SLC30A5: variants seen among roughly 807,000 people sequenced by gnomAD.
SLC30A5 encodes the protein solute carrier family 30 member 5, also known as proton-coupled zinc antiporter SLC30A5.
SLC30A5 carries 33 observed loss-of-function variants against 79.6 expected under a neutral mutation model. The observed-to-expected ratio is 0.41, with a 90% CI of 0.31 to 0.55. The LOEUF (loss-of-function observed/expected upper bound fraction) is 0.55. SLC30A5 is among the 20% of genes least tolerant of loss of function. The pLI is 0.20. For synonymous variants in SLC30A5, 299 were observed against 319.7 expected (o/e 0.94, Z 0.69); for missense variants, 788 against 928.1 (o/e 0.85, Z 1.96).
In SLC30A5 at chr5:69,113,237, T is replaced by G. The variant is rs755880063; in HGVS notation, c.535+10T>G. On this transcript the variant is annotated intron_variant, in intron 6 of 15. Coordinates refer to ENST00000396591, the MANE Select transcript of SLC30A5 (RefSeq NM_022902.5). The stretch of plus-strand genomic sequence containing the variant: ...AAAATGGCTGAACACCGTATCCTTT[T>G]GGAATAGATCAGAGTTGTTTCAAGT... The G allele has an allele frequency of 6.2e-7, 1 of 1,607,320 alleles. No individual in the cohort carries two copies. The highest frequency in any genetic ancestry group is 1.1e-5 in the South Asian group (1 of 90,360).
intron 14 of SLC30A5, 29 bp from the exon 15 acceptor site, chr5:69,127,975 C>T: frequency 1.3e-6 from 2 of 1,586,688 alleles, no homozygotes; most frequent in Non-Finnish European, 8.6e-7. Flanking sequence ...GCCTGTATGA[C>T]CATTTATATC....
At chr5:69,095,196 C>CTTTTTTTTTTTT (rs371189827) in intron 1 of SLC30A5, among the ~76,000 whole-genome samples, 2 of 112,322 alleles carry the variant, frequency 1.8e-5, no homozygotes, top group Admixed American at 1.0e-4. Flanking sequence ...TATAACGTAA[C>CTTTTTTTTTTTT]TTTTTTTTTT....
At position 69,117,364 on chromosome 5, in the gene SLC30A5, T is replaced by G. The variant is rs1047321834; in HGVS notation, c.1407T>G (p.Ser469Arg). 6 of 1,614,036 alleles carry G rather than the reference T, an allele frequency of 3.7e-6. No homozygotes were observed. The highest frequency in any genetic ancestry group is 5.1e-6 in the Non-Finnish European group (6 of 1,179,984). ...LVMGLFAALM[S>R]RWKATRIFSY... ...TGGGACTTTTTGCTGCCCTGATGAG[T>G]AGGTGGAAAGCCACTCGGATTTTCT... The change falls in exon 11 of 16, where the codon AGT becomes AGG. Residue 469 changes from serine to arginine, a missense_variant. Physicochemically the swap from Ser to Arg is moderately radical, Grantham distance 110. Coordinates refer to ENST00000396591, the MANE Select transcript of SLC30A5 (RefSeq NM_022902.5).
At chr5:69,129,215 C>T (rs753277412) in intron 15 of SLC30A5, among the ~76,000 whole-genome samples, 17 of 152,218 alleles carry the variant, frequency 1.1e-4, no homozygotes, top group Non-Finnish European at 1.9e-4. Flanking sequence ...ACTCGCATTA[C>T]GCTTACCAGT....
intron 5 of SLC30A5, among the ~76,000 whole-genome samples, chr5:69,112,810 T>C (rs1683844): frequency 6.6e-6 from 1 of 152,202 alleles, no homozygotes; most frequent in Non-Finnish European, 1.5e-5. Context: ...AGTTATTCTT[T>C]AGCTACGTGG....
At chr5:69,125,349 AC>A (rs908749675) in intron 14 of SLC30A5, among the ~76,000 whole-genome samples, 1 of 151,084 alleles carries the variant, frequency 6.6e-6, no homozygotes, top group Non-Finnish European at 1.5e-5. Flanking sequence ...ACATGATGAA[AC>A]CCCATCTCTA....
At chr5:69,102,178 G>A (rs540297170) in intron 2 of SLC30A5, among the ~76,000 whole-genome samples, 1 of 149,456 alleles carries the variant, frequency 6.7e-6, no homozygotes, top group African/African-American at 2.5e-5. Flanking sequence ...AGCCTCCTGA[G>A]TAGCTAGGAT....
At chr5:69,127,535 T>C (rs1746735335) in intron 14 of SLC30A5, among the ~76,000 whole-genome samples, 1 of 151,374 alleles carries the variant, frequency 6.6e-6, no homozygotes, top group Admixed American at 6.6e-5. Context: ...AGTCAGCTAC[T>C]TGGGAGGCTG....
intron 5 of SLC30A5, among the ~76,000 whole-genome samples, chr5:69,111,831 T>C (rs998131156): frequency 6.6e-6 from 1 of 152,194 alleles, no homozygotes; most frequent in Non-Finnish European, 1.5e-5. Context: ...GTGGTAATCA[T>C]AGAATGAAGA....
At chr5:69,118,674 T>A (rs769666457) in intron 12 of SLC30A5, 46 bp downstream of exon 12, 2 of 1,483,372 alleles carry the variant, frequency 1.3e-6, no homozygotes, top group Non-Finnish European at 1.8e-6. Context: ...CATACTTACA[T>A]AGTTTTTTCT....
At chr5:69,096,494 T>G (rs895374337) in intron 1 of SLC30A5, among the ~76,000 whole-genome samples, 1 of 152,196 alleles carries the variant, frequency 6.6e-6, no homozygotes, top group African/African-American at 2.4e-5. Context: ...AGAATCAAAT[T>G]CAACTCCTGA....
rs183909004 is a variant in SLC30A5 at position 69,107,502 on chromosome 5, A to G, written c.360-847A>G. Among the ~76,000 whole-genome samples the G allele has an allele frequency of 6.8e-4, 104 of 152,310 alleles. No individual in the cohort carries two copies. The Middle Eastern group carries it at 0.014, about 20-fold the overall frequency. On this transcript the variant is annotated intron_variant, in intron 4 of 15. Transcript: ENST00000396591. ...TAAACCAGTAGCATAGTCATTTATT[A>G]TCATTATCAAGTCTTATGTTCTGTA...
chr5:69,107,718 G>A (rs934320595), intron 4 of SLC30A5, among the ~76,000 whole-genome samples: 29 of 150,970 alleles, frequency 1.9e-4, no homozygotes, highest in African/African-American at 6.3e-4. Context: ...CAGCACATGG[G>A]TATATGTTGC....
chr5:69,101,364 T>C (rs1745912818), intron 2 of SLC30A5, among the ~76,000 whole-genome samples: 1 of 151,660 alleles, frequency 6.6e-6, no homozygotes, highest in Non-Finnish European at 1.5e-5. Flanking sequence ...GCAAGATCAC[T>C]GCCTCCTATG....
At chr5:69,118,394 A>G (rs1310293505) in intron 11 of SLC30A5, 105 bp from the exon 12 acceptor site, 2 of 730,606 alleles carry the variant, frequency 2.7e-6, no homozygotes, top group African/African-American at 3.7e-5. Flanking sequence ...TCTATTATTA[A>G]TTACTTAGTA....
chr5:69,103,156 C>T (rs957195378), intron 3 of SLC30A5, 28 bp downstream of exon 3: 1 of 1,272,730 alleles, frequency 7.9e-7, no homozygotes, highest in Admixed American at 1.8e-5. Context: ...TCTTTTATTC[C>T]TAGCAGCTTC....
intron 5 of SLC30A5, among the ~76,000 whole-genome samples, chr5:69,110,420 A>G (rs898797595): frequency 7.2e-5 from 11 of 152,196 alleles, no homozygotes; most frequent in African/African-American, 2.2e-4. Flanking sequence ...GAAGTGAACA[A>G]AGTAACATGC....
At position 69,126,628 on chromosome 5, in the gene SLC30A5, G is replaced by C. The variant is rs1434417407; in HGVS notation, c.1999-1376G>C. On this transcript the variant is annotated intron_variant, in intron 14 of 15. Coordinates refer to ENST00000396591, the MANE Select transcript of SLC30A5 (RefSeq NM_022902.5). The stretch of plus-strand genomic sequence containing the variant: ...CTACAAAAAATACAAAAATTAGCTG[G>C]GTGTGGTGGCACGTGCCTGTAGTCC... Among the ~76,000 whole-genome samples, 4 of 151,986 alleles carry C rather than the reference G, an allele frequency of 2.6e-5. No individual in the cohort carries two copies. The East Asian group carries it at 7.7e-4, about 29-fold the overall frequency.
chr5:69,103,231 A>G (rs2111944759), intron 3 of SLC30A5, 103 bp downstream of exon 3: 1 of 622,552 alleles, frequency 1.6e-6, no homozygotes, highest in Middle Eastern at 3.6e-4. Flanking sequence ...TGATTTAAGT[A>G]TGCCACAGAA....
Sources: gnomAD v4.1 joint callset for allele counts (sites outside exome capture counted in the v4.1 genomes callset) on GRCh38, gnomAD v4.1.1 for gene constraint, MANE v1.5 for transcripts, NCBI Gene and HGNC (gene_info 2026-07-23, HGNC 2026-07-21) for gene names.